The following LZIC variants were observed in gnomAD, a reference collection of about 807,000 sequenced individuals.
LZIC encodes the protein leucine zipper and CTNNBIP1 domain containing, also known as protein LZIC.
A neutral mutation model predicts 25.4 loss-of-function variants in LZIC; 28 were observed. That is an observed-to-expected ratio of 1.10 (90% CI 0.82 to 1.51). The LOEUF is 1.51. Among genes scored for constraint, LZIC ranks in the 40% most tolerant of loss-of-function variants. LZIC has a pLI of 0.00. For synonymous variants in LZIC, 65 were observed against 70.7 expected, an observed-to-expected ratio of 0.92 and a Z score of 0.40; for missense variants, 170 against 211.1, an observed-to-expected ratio of 0.81 and a Z score of 1.21.
rs1640034982 is a variant in LZIC at position 9,927,690 on chromosome 1, T to TC, written c.*2708_*2709insG. Among the ~76,000 whole-genome samples, 1 of 146,130 alleles carries TC rather than the reference T, an allele frequency of 6.8e-6. No homozygotes were observed. The highest frequency in any genetic ancestry group is 1.5e-5 in the Non-Finnish European group (1 of 66,142). On this transcript the variant is annotated 3_prime_UTR_variant, in exon 8 of 8. Transcript: ENST00000377223. ...GAATCTTCTTCCTCTTTTTTTTTTTTTTTTTTTTTTTGAGACCGTGTCTCA... is the reference window on the plus strand; with the variant it reads ...GAATCTTCTTCCTCTTTTTTTTTTTTCTTTTTTTTTTTGAGACCGTGTCTCA...
intron 7 of LZIC, 46 bp downstream of exon 7, chr1:9,931,845 A>G: frequency 8.0e-7 from 1 of 1,257,658 alleles, no homozygotes; most frequent in Non-Finnish European, 1.1e-6. Context: ...TATGTAATAT[A>G]TGACAGTAGT....
chr1:9,936,562 A>G lies in LZIC; in HGVS notation c.58T>C (p.Leu20=), dbSNP rs1462149397. 6.2e-7 allele frequency: 1 copy of G among 1,613,692 alleles called. No individual in the cohort carries two copies. Among genetic ancestry groups the G allele is most frequent in the Non-Finnish European group, 8.5e-7 (1 of 1,179,630 alleles). Residue 20 remains leucine (L), a synonymous_variant, in exon 3 of 8, where the codon TTG becomes CTG. Transcript: ENST00000377223. ...SKLKQNLEEQ[L]DRLMQQLQDL... is the part of the protein sequence containing the mutation. Reference sequence around the variant, plus strand: ...TGTAATTGTTGCATGAGTCTATCCAACTGTTCTTCTAAATTCTGCTTTAAT... The same window carrying G: ...TGTAATTGTTGCATGAGTCTATCCAGCTGTTCTTCTAAATTCTGCTTTAAT...
chr1:9,940,960 T>C (rs971939477), intron 2 of LZIC, among the ~76,000 whole-genome samples: 2 of 152,186 alleles, frequency 1.3e-5, no homozygotes, highest in Admixed American at 1.3e-4. Context: ...ACAATGTCTT[T>C]TCAGAGTTAG....
At chr1:9,940,490 T>C (rs1310967432) in intron 2 of LZIC, among the ~76,000 whole-genome samples, 1 of 151,840 alleles carries the variant, frequency 6.6e-6, no homozygotes. Context: ...AGTTTTTGTA[T>C]ATTTTTTTTA....
rs551706607 is a variant in LZIC, at chr1:9,927,678, CT to C, written c.*2720del. Reference sequence around the variant, plus strand: ...AGGGTAAGGGAAGAATCTTCTTCCTCTTTTTTTTTTTTTTTTTTTTTTTGAG... The same window carrying C: ...AGGGTAAGGGAAGAATCTTCTTCCTCTTTTTTTTTTTTTTTTTTTTTTGAG... On this transcript the variant is annotated 3_prime_UTR_variant, in exon 8 of 8. Transcript: ENST00000377223. 0.077 allele frequency among the ~76,000 whole-genome samples: 8,207 copies of C among 106,538 alleles called. 120 individuals carry two copies. Among genetic ancestry groups the C allele is most frequent in the African/African-American group, 0.12 (3,086 of 26,282 alleles). The allele number at this position is 106,538 out of a possible 152,430, so 69.9% of individuals were successfully genotyped here.
Position 9,936,572 on chromosome 1 carries a change from T to C in LZIC, c.48A>G (p.Leu16=), listed in dbSNP as rs1454521698. The part of the protein sequence containing the change: ...KTETSKLKQN[L]EEQLDRLMQQ... ...GCATGAGTCTATCCAACTGTTCTTC[T>C]AAATTCTGCTTTAATTTGCTTGTCT... The change falls in exon 3 of 8, where the codon TTA becomes TTG. Residue 16 remains leucine, a synonymous_variant. Transcript: ENST00000377223. 2.5e-6 allele frequency: 4 copies of C among 1,613,750 alleles called. No individual in the cohort carries two copies. Among genetic ancestry groups the C allele is most frequent in the South Asian group, 1.1e-5 (1 of 91,084 alleles).
rs1050128800 is a variant in LZIC, at chr1:9,927,085, G to A, written c.*3314C>T. On this transcript the variant is annotated 3_prime_UTR_variant, in exon 8 of 8. Coordinates refer to ENST00000377223, the MANE Select transcript of LZIC (RefSeq NM_032368.5). ...CCTCATTGAATAGAAGAGAAAAGGA[G>A]GCTCAAAAAAATTAAGTAACCCACA... Among the ~76,000 whole-genome samples the A allele has an allele frequency of 3.3e-5, 5 of 152,100 alleles. No homozygotes were observed. Among genetic ancestry groups the A allele is most frequent in the Non-Finnish European group, 7.4e-5 (5 of 68,018 alleles).
At chr1:9,942,948 G>A in intron 1 of LZIC, 166 bp from the exon 2 acceptor site, 1 of 354,108 alleles carries the variant, frequency 2.8e-6, no homozygotes, top group South Asian at 2.1e-5. Flanking sequence ...TCCTAGCGAG[G>A]CCGAGAGGGT....
At chr1:9,937,332 G>C (rs921215191) in intron 2 of LZIC, among the ~76,000 whole-genome samples, 1 of 151,864 alleles carries the variant, frequency 6.6e-6, no homozygotes, top group African/African-American at 2.4e-5. Flanking sequence ...GGCAGAGCTT[G>C]CAGTGAGCCG....
chr1:9,923,552 T>TG (rs1375186292), downstream of LZIC, among the ~76,000 whole-genome samples: 3 of 108,224 alleles, frequency 2.8e-5, no homozygotes, highest in South Asian at 6.4e-4. Flanking sequence ...TTTTAAGAGA[T>TG]GGGGTCTCAC....
rs1640229659 is a variant in LZIC, at chr1:9,931,924, G to GTC, written c.480_481insGA (p.Leu161AspfsTer46). The stretch of plus-strand genomic sequence containing the variant: ...GTAGAGACTTTCTCAAACTGGCTGA[G>GTC]TATAGCACCTGCATTTGCTGACAAG... On this transcript the variant is annotated frameshift_variant, in exon 7 of 8. Transcript: ENST00000377223. LOFTEE classifies it high-confidence loss of function. 5.0e-6 allele frequency: 8 copies of GTC among 1,613,752 alleles called. No homozygotes were observed. Among genetic ancestry groups the GTC allele is most frequent in the Non-Finnish European group, 6.8e-6 (8 of 1,179,884 alleles).
intron 7 of LZIC, among the ~76,000 whole-genome samples, chr1:9,931,069 G>T (rs1354423043): frequency 6.6e-6 from 1 of 151,184 alleles, no homozygotes; most frequent in Non-Finnish European, 1.5e-5. Context: ...AAAGAAAGAA[G>T]AAATATTTTT....
At chr1:9,939,707 C>T (rs774464626) in intron 2 of LZIC, among the ~76,000 whole-genome samples, 12 of 152,172 alleles carry the variant, frequency 7.9e-5, no homozygotes, top group Middle Eastern at 3.4e-3. Flanking sequence ...TGATATATCT[C>T]GATAACTGAT....
At chr1:9,933,919 A>C (rs1195991717) in intron 5 of LZIC, among the ~76,000 whole-genome samples, 1 of 60,856 alleles carries the variant, frequency 1.6e-5, no homozygotes, top group Admixed American at 3.0e-4. Flanking sequence ...CAACAACAAC[A>C]ACAAAAAAAC....
downstream of LZIC, among the ~76,000 whole-genome samples, chr1:9,923,247 G>C (rs916469042): frequency 6.6e-6 from 1 of 152,110 alleles, no homozygotes; most frequent in Non-Finnish European, 1.5e-5. Context: ...TTTTGAGATG[G>C]AGTCTTGCCC....
rs1169873387 is a variant in LZIC at position 9,935,491 on chromosome 1, C to T, written c.237+1G>A. ...CTCTGTCGCCTATATGTTATACTTA[C>T]CAGCTGCATTCCACTTAGTTCATCT... On this transcript the variant is annotated splice_donor_variant, in intron 4 of 7. Transcript: ENST00000377223. LOFTEE classifies it high-confidence loss of function. 6.3e-7 allele frequency: 1 copy of T among 1,598,590 alleles called. No homozygotes were observed. Among genetic ancestry groups the T allele is most frequent in the Non-Finnish European group, 8.5e-7 (1 of 1,175,994 alleles).
At chr1:9,936,472 G>T in intron 3 of LZIC, 47 bp downstream of exon 3, 1 of 1,361,542 alleles carries the variant, frequency 7.3e-7, no homozygotes, top group Non-Finnish European at 1.1e-6. Context: ...GCTAGCTGCA[G>T]AAAAAACGCC....
chr1:9,926,182 G>A (rs1446280288), downstream of LZIC, among the ~76,000 whole-genome samples: 1 of 152,120 alleles, frequency 6.6e-6, no homozygotes, highest in Non-Finnish European at 1.5e-5. Flanking sequence ...ACGGCGCCCT[G>A]CCGACAGTTT....
chr1:9,932,266 AC>A (rs1257467326), intron 6 of LZIC: 1 of 231,204 alleles, frequency 4.3e-6, no homozygotes, highest in African/African-American at 2.4e-5. Context: ...AATTGCTTGA[AC>A]CTGGGAGGCA....
Sources: allele counts gnomAD v4.1 joint callset (sites outside exome capture counted in the v4.1 genomes callset), GRCh38; gene constraint gnomAD v4.1.1; transcripts MANE v1.5; gene names NCBI Gene and HGNC (gene_info 2026-07-23, HGNC 2026-07-21).